PANX3: variants seen among roughly 807,000 people sequenced by gnomAD.
The protein encoded by PANX3 is pannexin-3.
A neutral mutation model predicts 31.5 loss-of-function variants in PANX3; 18 were observed. The observed-to-expected ratio is 0.57, with a 90% CI of 0.39 to 0.85. The LOEUF (loss-of-function observed/expected upper bound fraction) is 0.85. Among genes scored for constraint, PANX3 ranks in the 40% least tolerant of loss-of-function variants. The probability of loss-of-function intolerance (pLI) is 0.00; values close to 1 mark genes in which losing one functional copy is unlikely to be tolerated. For synonymous variants in PANX3, 194 were observed against 201.6 expected, an observed-to-expected ratio of 0.96 and a Z score of 0.32; for missense variants, 426 against 485.4, an observed-to-expected ratio of 0.88 and a Z score of 1.15.
At position 124,611,539 on chromosome 11, in the gene PANX3, C is replaced by T. The variant is rs1863089243; in HGVS notation, c.-18C>T. On this transcript the variant is annotated 5_prime_UTR_variant, in exon 1 of 4. Coordinates refer to ENST00000284288, the MANE Select transcript of PANX3 (RefSeq NM_052959.3). ...GGACCCCTGCTGCCACCTCTGCACCCCCAAGCTCAGCAGCATCATGTCACT... is the reference window on the plus strand; with the variant it reads ...GGACCCCTGCTGCCACCTCTGCACCTCCAAGCTCAGCAGCATCATGTCACT... The T allele has an allele frequency of 1.3e-6, 2 of 1,592,048 alleles. No individual in the cohort carries two copies. The highest frequency in any genetic ancestry group is 8.6e-7 in the Non-Finnish European group (1 of 1,165,476).
chr11:124,611,664 G>T lies in PANX3; in HGVS notation c.108G>T (p.Arg36=). The change falls in exon 1 of 4, where the codon CGG becomes CGT. Residue 36 remains arginine, a synonymous_variant. Transcript: ENST00000284288. ...TGCGTCTGGAACTGCCCCTGGACCG[G>T]ATAGTCAAGTTCGTAGCTGTGGGCT... ...KGLRLELPLD[R]IVKFVAVGSP... The T allele has an allele frequency of 6.2e-7, 1 of 1,614,212 alleles. No homozygotes were observed. Among genetic ancestry groups the T allele is most frequent in the Non-Finnish European group, 8.5e-7 (1 of 1,180,028 alleles).
At position 124,617,461 on chromosome 11, in the gene PANX3, C is replaced by T; in HGVS notation, c.512C>T (p.Pro171Leu). ...AAGATCCGGCAGAAGAGTTCCGACC[C>T]CTATGTGTTCTGGAATGAGCTGGAG... ...MLKIRQKSSD[P>L]YVFWNELEKA... is the part of the protein sequence containing the mutation. The change falls in exon 3 of 4, where the codon CCC becomes CTC. Residue 171 changes from proline (P) to leucine (L), a missense_variant. Pro to Leu is a moderately conservative substitution (Grantham distance 98). Coordinates refer to ENST00000284288, the MANE Select transcript of PANX3 (RefSeq NM_052959.3). The T allele has an allele frequency of 1.2e-6, 2 of 1,614,234 alleles. No individual in the cohort carries two copies. Among genetic ancestry groups the T allele is most frequent in the Non-Finnish European group, 1.7e-6 (2 of 1,180,048 alleles).
At chr11:124,618,365 C>T (rs537753358) in intron 3 of PANX3, among the ~76,000 whole-genome samples, 1 of 152,334 alleles carries the variant, frequency 6.6e-6, no homozygotes, top group African/African-American at 2.4e-5. Flanking sequence ...GAAGGCCACA[C>T]TGTTACCTCC....
At chr11:124,617,200 A>T in intron 2 of PANX3, 74 bp from the exon 3 acceptor site, 2 of 1,189,266 alleles carry the variant, frequency 1.7e-6, no homozygotes, top group Non-Finnish European at 2.4e-6. Context: ...GGGAAAGGAG[A>T]GCCCCTCAGT....
rs1260941090 is a variant in PANX3, at chr11:124,611,753, G to C, written c.181+16G>C. The C allele has an allele frequency of 6.2e-7, 1 of 1,610,200 alleles. No individual in the cohort carries two copies. Among genetic ancestry groups the C allele is most frequent in the Non-Finnish European group, 8.5e-7 (1 of 1,177,532 alleles). On this transcript the variant is annotated intron_variant, in intron 1 of 3. Coordinates refer to ENST00000284288, the MANE Select transcript of PANX3 (RefSeq NM_052959.3). ...TTCTCCTCTGGTAAGTTGCTTCCAA[G>C]ACCCAGTGCGCAAGAGAGACTCCCC...
chr11:124,620,042 C>G lies in PANX3; in HGVS notation c.*107C>G. ...CAAAAAATTACACATTTTAAAACTG[C>G]TAAGCTTGGATTTAACTGAATCATA... On this transcript the variant is annotated 3_prime_UTR_variant, in exon 4 of 4. Coordinates refer to ENST00000284288, the MANE Select transcript of PANX3 (RefSeq NM_052959.3). The G allele has an allele frequency of 8.2e-7, 1 of 1,220,766 alleles. No homozygotes were observed. The highest frequency in any genetic ancestry group is 1.1e-6 in the Non-Finnish European group (1 of 878,910). The allele number at this position is 1,220,766 out of a possible 1,614,324, so 75.6% of individuals were successfully genotyped here. A position where few individuals can be genotyped will look rare whatever the true frequency, so the allele number is the denominator to read the frequency against.
Position 124,611,685 on chromosome 11 carries a change from G to A in PANX3, c.129G>A (p.Val43=). ...ACCGGATAGTCAAGTTCGTAGCTGTGGGCTCCCCCTTGTTGCTGATGTCCC... is the reference window on the plus strand; with the variant it reads ...ACCGGATAGTCAAGTTCGTAGCTGTAGGCTCCCCCTTGTTGCTGATGTCCC... ...PLDRIVKFVA[V]GSPLLLMSLA... The change falls in exon 1 of 4, where the codon GTG becomes GTA. Residue 43 remains valine, a synonymous_variant. Transcript: ENST00000284288. 6.2e-7 allele frequency: 1 copy of A among 1,614,148 alleles called. No individual in the cohort carries two copies. Among genetic ancestry groups the A allele is most frequent in the Non-Finnish European group, 8.5e-7 (1 of 1,180,004 alleles).
Position 124,611,689 on chromosome 11 carries a change from T to TC in PANX3, c.138dup (p.Leu48ValfsTer24). On this transcript the variant is annotated frameshift_variant, in exon 1 of 4. Coordinates refer to ENST00000284288, the MANE Select transcript of PANX3 (RefSeq NM_052959.3). LOFTEE classifies it high-confidence loss of function. ...GATAGTCAAGTTCGTAGCTGTGGGC[T>TC]CCCCCTTGTTGCTGATGTCCCTGGC... The TC allele has an allele frequency of 6.2e-7, 1 of 1,614,080 alleles. No homozygotes were observed. The highest frequency in any genetic ancestry group is 1.1e-5 in the South Asian group (1 of 91,074).
In PANX3 at chr11:124,619,394, A is replaced by G. The variant is rs1167931558; in HGVS notation, c.638A>G (p.Asn213Ser). 10 of 1,613,874 alleles carry G rather than the reference A, an allele frequency of 6.2e-6. No individual in the cohort carries two copies. Among genetic ancestry groups the G allele is most frequent in the Admixed American group, 1.7e-5 (1 of 59,978 alleles). Residue 213 changes from asparagine (N) to serine (S), a missense_variant, in exon 4 of 4, where the codon AAC becomes AGC. Transcript: ENST00000284288. ...HSLVATYLLRNSLLLIFTSAT... is the reference protein window; with the variant it reads ...HSLVATYLLRSSLLLIFTSAT... ...CTAGTGGCTACCTACCTCCTGAGGA[A>G]CTCCCTCTTGCTCATCTTCACCTCC...
chr11:124,615,712 C>A (rs1863145470), intron 2 of PANX3, among the ~76,000 whole-genome samples: 1 of 152,048 alleles, frequency 6.6e-6, no homozygotes. Context: ...AAAAATGTAG[C>A]TTTAAAAAAT....
chr11:124,619,884 AC>A lies in PANX3; in HGVS notation c.1131del (p.Ser378GlnfsTer17). 1 of 1,613,460 alleles carries A rather than the reference AC, an allele frequency of 6.2e-7. No individual in the cohort carries two copies. On this transcript the variant is annotated frameshift_variant, in exon 4 of 4. Transcript: ENST00000284288. LOFTEE classifies it high-confidence loss of function. ...DFMTLLAGLE[P>X]SKPKHLTNSA... The stretch of plus-strand genomic sequence containing the variant: ...TTATGACTTTATTGGCTGGCTTAGA[AC>A]CCTCAAAACCCAAACACCTCACCAA...
chr11:124,615,630 G>T (rs571841346), intron 2 of PANX3, among the ~76,000 whole-genome samples: 1 of 152,142 alleles, frequency 6.6e-6, no homozygotes, highest in East Asian at 1.9e-4. Context: ...GTAAAATAGA[G>T]ATACTAAATT....
At position 124,611,762 on chromosome 11, in the gene PANX3, C is replaced by T. The variant is rs570659582; in HGVS notation, c.181+25C>T. On this transcript the variant is annotated intron_variant, in intron 1 of 3. Coordinates refer to ENST00000284288, the MANE Select transcript of PANX3 (RefSeq NM_052959.3). The stretch of plus-strand genomic sequence containing the variant: ...GGTAAGTTGCTTCCAAGACCCAGTG[C>T]GCAAGAGAGACTCCCCCTCATGTCA... The T allele has an allele frequency of 5.9e-5, 94 of 1,602,336 alleles. No individual in the cohort carries two copies. The South Asian group carries it at 8.7e-4, about 15-fold the overall frequency.
At position 124,611,567 on chromosome 11, in the gene PANX3, C is replaced by T. The variant is rs1156368759; in HGVS notation, c.11C>T (p.Ala4Val). The T allele has an allele frequency of 6.2e-7, 1 of 1,612,132 alleles. No homozygotes were observed. Among genetic ancestry groups the T allele is most frequent in the African/African-American group, 1.3e-5 (1 of 75,020 alleles). Residue 4 changes from alanine to valine, a missense_variant, in exon 1 of 4, where the codon GCA becomes GTA. Coordinates refer to ENST00000284288, the MANE Select transcript of PANX3 (RefSeq NM_052959.3). Reference protein sequence around the residue: MSLAHTAAEYMLSD... With the variant: MSLVHTAAEYMLSD... The stretch of plus-strand genomic sequence containing the variant: ...AAGCTCAGCAGCATCATGTCACTTG[C>T]ACACACAGCTGCAGAGTACATGCTC...
rs575063752 is a variant in PANX3, at chr11:124,619,309, C to T, written c.553C>T (p.Arg185Ter). 32 of 1,612,636 alleles carry T rather than the reference C, an allele frequency of 2.0e-5. No individual in the cohort carries two copies. The highest frequency in any genetic ancestry group is 6.7e-5 in the African/African-American group (5 of 75,022). ...WNELEKARKE[R>*]YFEFPLLERY... ...TCCACTGCCCAGGGCTCGGAAAGAA[C>T]GATACTTTGAATTCCCTTTGCTAGA... The change falls in exon 4 of 4, where the codon CGA (arginine) becomes TGA (stop). Residue 185 changes from arginine to a stop codon, truncating the protein, a stop_gained. Coordinates refer to ENST00000284288, the MANE Select transcript of PANX3 (RefSeq NM_052959.3). LOFTEE classifies it high-confidence loss of function.
chr11:124,611,781 C>G (rs755072285), intron 1 of PANX3, 44 bp downstream of exon 1: 5 of 1,574,898 alleles, frequency 3.2e-6, no homozygotes, highest in Middle Eastern at 1.7e-4. Flanking sequence ...GACTCCCCCT[C>G]ATGTCACTCT....
At position 124,616,282 on chromosome 11, in the gene PANX3, G is replaced by A. The variant is rs1034505286; in HGVS notation, c.325-992G>A. Among the ~76,000 whole-genome samples the A allele has an allele frequency of 1.3e-5, 2 of 152,088 alleles. No homozygotes were observed. The highest frequency in any genetic ancestry group is 4.8e-5 in the African/African-American group (2 of 41,420). On this transcript the variant is annotated intron_variant, in intron 2 of 3. Coordinates refer to ENST00000284288, the MANE Select transcript of PANX3 (RefSeq NM_052959.3). This position sits in a 1 kb window ranked among gnomAD's most constrained non-coding sequence, Gnocchi z 4.8. Reference sequence around the variant, plus strand: ...CTCCTCTGAAGGCTGCAAGGGAAACGTCTGCCAGGTTCCCACTCCTTGGCC... The same window carrying A: ...CTCCTCTGAAGGCTGCAAGGGAAACATCTGCCAGGTTCCCACTCCTTGGCC...
intron 3 of PANX3, 104 bp from the exon 4 acceptor site, chr11:124,619,192 G>C: frequency 8.0e-7 from 1 of 1,245,498 alleles, no homozygotes; most frequent in Non-Finnish European, 1.1e-6. Flanking sequence ...TGGGAACCAA[G>C]AATGCCATGT....
intron 2 of PANX3, among the ~76,000 whole-genome samples, chr11:124,614,072 A>G (rs908043698): frequency 2.0e-5 from 3 of 151,666 alleles, no homozygotes; most frequent in Non-Finnish European, 4.4e-5. Flanking sequence ...AAGGCGTCAA[A>G]TTGCCACAGT....
Sources: allele counts gnomAD v4.1 joint callset (sites outside exome capture counted in the v4.1 genomes callset), GRCh38; gene constraint gnomAD v4.1.1; non-coding constraint Gnocchi (gnomAD v3.1); transcripts MANE v1.5; gene names NCBI Gene and HGNC (gene_info 2026-07-23, HGNC 2026-07-21).